CDYL2: variants seen among roughly 807,000 people sequenced by gnomAD.
The protein encoded by CDYL2 is chromodomain Y-like protein 2.
A neutral mutation model predicts 49.4 loss-of-function variants in CDYL2; 23 were observed. The ratio of observed to expected loss-of-function variants is 0.47; its 90% CI spans 0.34 to 0.66. The LOEUF (loss-of-function observed/expected upper bound fraction) is 0.66. Ranked by LOEUF, CDYL2 falls within the 30% of genes least tolerant of loss-of-function variation. CDYL2 has a pLI of 0.01. For missense variants in CDYL2, 678 were observed against 656.4 expected (o/e 1.03, Z -0.36); for synonymous variants, 360 against 268.8 (o/e 1.34, Z -3.32).
intron 1 of CDYL2, among the ~76,000 whole-genome samples, chr16:80,737,362 C>T (rs1905572875): frequency 6.6e-6 from 1 of 152,096 alleles, no homozygotes; most frequent in African/African-American, 2.4e-5. Context: ...CTTGGAACAA[C>T]CTTAAAAGGG....
At chr16:80,712,005 GTATATATGTGTGTA>G (rs1217874324) in intron 1 of CDYL2, among the ~76,000 whole-genome samples, 4,377 of 149,456 alleles carry the variant, frequency 0.029, 85 homozygotes, top group Non-Finnish European at 0.048. Context: ...ATATATGTGT[GTATATATGTGTGTA>G]TATATATGTG....
intron 2 of CDYL2, among the ~76,000 whole-genome samples, chr16:80,643,076 G>A (rs1379093134): frequency 1.3e-5 from 2 of 152,170 alleles, no homozygotes; most frequent in Non-Finnish European, 2.9e-5. Context: ...AAAATCAAAA[G>A]CAAGCTAGTT....
chr16:80,608,515 C>T (rs1268126754), intron 5 of CDYL2, among the ~76,000 whole-genome samples: 2 of 152,132 alleles, frequency 1.3e-5, no homozygotes, highest in Non-Finnish European at 2.9e-5. Flanking sequence ...GTGGCAGACC[C>T]ATGGGCATGG....
intron 3 of CDYL2, among the ~76,000 whole-genome samples, chr16:80,624,916 G>A (rs981628703): frequency 6.6e-6 from 1 of 151,990 alleles, no homozygotes; most frequent in Non-Finnish European, 1.5e-5. Flanking sequence ...AAACAGAGAT[G>A]GAAAATATAA....
intron 1 of CDYL2, among the ~76,000 whole-genome samples, chr16:80,771,610 C>T (rs991743142): frequency 6.6e-6 from 1 of 152,046 alleles, no homozygotes; most frequent in Admixed American, 6.5e-5. Context: ...GAGGCTGAGG[C>T]AGGAGAATCA....
At chr16:80,717,553 C>G (rs895403643) in intron 1 of CDYL2, among the ~76,000 whole-genome samples, 48 of 152,248 alleles carry the variant, frequency 3.2e-4, no homozygotes, top group African/African-American at 1.2e-3. Flanking sequence ...ACTGCTTTAC[C>G]TCTTTAGGAA....
intron 1 of CDYL2, among the ~76,000 whole-genome samples, chr16:80,771,132 C>T (rs1481068460): frequency 2.0e-5 from 3 of 152,186 alleles, no homozygotes; most frequent in African/African-American, 7.2e-5. Context: ...TAAGATGATC[C>T]TATATTTCTC....
chr16:80,804,169 GC>G lies in CDYL2; in HGVS notation c.4del (p.Ala2LeufsTer12). 7.6e-7 allele frequency: 1 copy of G among 1,307,538 alleles called. No individual in the cohort carries two copies. Among genetic ancestry groups the G allele is most frequent in the South Asian group, 1.4e-5 (1 of 71,350 alleles). The allele number at this position is 1,307,538 out of a possible 1,614,324, so 81.0% of individuals were successfully genotyped here. On this transcript the variant is annotated frameshift_variant, in exon 1 of 7. Transcript: ENST00000570137. LOFTEE classifies it high-confidence loss of function. MASGDLYEVERI... is the reference protein window; with the variant it reads MXSGDLYEVERI... ...CCGTACCTCGTAAAGGTCCCCAGAA[GC>G]CATGCCAGGCTGCGGAACTTGGCTC... is the stretch of plus-strand genomic sequence containing the variant.
Position 80,604,370 on chromosome 16 carries a change from C to A in CDYL2, c.*18G>T. 1 of 1,613,544 alleles carries A rather than the reference C, an allele frequency of 6.2e-7. No homozygotes were observed. Among genetic ancestry groups the A allele is most frequent in the Non-Finnish European group, 8.5e-7 (1 of 1,179,806 alleles). ...ACAGGGCAGAGCTGGAAGTTGGGGG[C>A]CCGTGAGCTGGGGCCCCTCAGACTT... is the stretch of plus-strand genomic sequence containing the variant. On this transcript the variant is annotated 3_prime_UTR_variant, in exon 7 of 7. Coordinates refer to ENST00000570137, the MANE Select transcript of CDYL2 (RefSeq NM_152342.4).
At chr16:80,637,386 G>A (rs1051352887) in intron 2 of CDYL2, among the ~76,000 whole-genome samples, 1 of 152,128 alleles carries the variant, frequency 6.6e-6, no homozygotes, top group Non-Finnish European at 1.5e-5. Flanking sequence ...ATATCACACT[G>A]AGAGTCCTAG....
At chr16:80,755,531 A>C (rs1415931596) in intron 1 of CDYL2, among the ~76,000 whole-genome samples, 2 of 152,206 alleles carry the variant, frequency 1.3e-5, no homozygotes, top group African/African-American at 4.8e-5. Context: ...CAAATCTATC[A>C]AAAGCCTAGA....
chr16:80,735,647 T>C (rs1182329620), intron 1 of CDYL2, among the ~76,000 whole-genome samples: 1 of 152,200 alleles, frequency 6.6e-6, no homozygotes, highest in Non-Finnish European at 1.5e-5. Context: ...ACTAGAGCTC[T>C]GGTGTCTATT....
At chr16:80,749,473 C>T (rs962479035) in intron 1 of CDYL2, among the ~76,000 whole-genome samples, 1 of 152,052 alleles carries the variant, frequency 6.6e-6, no homozygotes, top group South Asian at 2.1e-4. Context: ...GAAATTAACC[C>T]CCTATTTAGT....
intron 2 of CDYL2, among the ~76,000 whole-genome samples, chr16:80,644,432 T>C (rs890493532): frequency 1.3e-5 from 2 of 152,206 alleles, no homozygotes; most frequent in African/African-American, 4.8e-5. Flanking sequence ...ACTTCCACAT[T>C]TTTGGGTACC....
At chr16:80,642,319 T>C (rs926898893) in intron 2 of CDYL2, among the ~76,000 whole-genome samples, 2 of 152,156 alleles carry the variant, frequency 1.3e-5, no homozygotes, top group Non-Finnish European at 2.9e-5. Context: ...GGCATGCCCC[T>C]GTAATCCCAG....
intron 1 of CDYL2, among the ~76,000 whole-genome samples, chr16:80,793,147 C>A (rs560644671): frequency 6.6e-6 from 1 of 152,174 alleles, no homozygotes; most frequent in Non-Finnish European, 1.5e-5. Context: ...CAATCTAAAA[C>A]GGACAGTATA....
At chr16:80,632,641 TTAAC>T (rs1211120368) in intron 3 of CDYL2, 2 of 254,184 alleles carry the variant, frequency 7.9e-6, no homozygotes, top group Non-Finnish European at 1.6e-5. Flanking sequence ...GTGAGATACA[TTAAC>T]TGAGTGAATT....
chr16:80,606,618 G>T (rs1242145329), intron 6 of CDYL2, among the ~76,000 whole-genome samples: 1 of 152,134 alleles, frequency 6.6e-6, no homozygotes, highest in Non-Finnish European at 1.5e-5. Flanking sequence ...TAACCCCAGG[G>T]TGATCAACCA....
intron 1 of CDYL2, among the ~76,000 whole-genome samples, chr16:80,788,362 C>G (rs1011491850): frequency 6.6e-6 from 1 of 152,198 alleles, no homozygotes; most frequent in East Asian, 1.9e-4. Flanking sequence ...GAGATGCTTT[C>G]CCATCCTGAT....
Sources: allele counts gnomAD v4.1 joint callset (sites outside exome capture counted in the v4.1 genomes callset), GRCh38; gene constraint gnomAD v4.1.1; transcripts MANE v1.5; gene names NCBI Gene and HGNC (gene_info 2026-07-23, HGNC 2026-07-21).